Variants in DYRK1A observed in about 807,000 individuals in gnomAD.
DYRK1A encodes dual specificity tyrosine phosphorylation regulated kinase 1A, also known as dual specificity tyrosine-phosphorylation-regulated kinase 1A.
DYRK1A carries 9 observed loss-of-function variants against 79.7 expected under a neutral mutation model. The observed-to-expected ratio is 0.11, with a 90% CI of 0.07 to 0.20. The LOEUF is 0.20. DYRK1A is among the 10% of genes least tolerant of loss of function. The pLI is 1.00. For missense variants in DYRK1A, 622 were observed against 956.0 expected (o/e 0.65, Z 4.61); for synonymous variants, 349 against 329.7 (o/e 1.06, Z -0.63).
rs1173168499 is a variant in DYRK1A at position 37,520,351 on chromosome 21, G to A, written c.*7820G>A. 3 of 152,128 alleles carry A rather than the reference G, an allele frequency of 2.0e-5. No homozygotes were observed. Among genetic ancestry groups the A allele is most frequent in the Non-Finnish European group, 4.4e-5 (3 of 68,018 alleles). The allele number at this position is 152,128 out of a possible 1,614,324, so 9.4% of individuals were successfully genotyped here. On this transcript the variant is annotated 3_prime_UTR_variant, in exon 12 of 12. Transcript: ENST00000647188. ...ATAAATAAAACAGGGATATTATCGG[G>A]GAAGCTTTTGAAATGTAATAGGTTG...
intron 1 of DYRK1A, among the ~76,000 whole-genome samples, chr21:37,390,853 A>G (rs2049857046): frequency 6.6e-6 from 1 of 152,194 alleles, no homozygotes; most frequent in South Asian, 2.1e-4. Flanking sequence ...TACAGGCGTG[A>G]GCCACCACGC....
At chr21:37,393,476 C>G (rs975020379) in intron 1 of DYRK1A, among the ~76,000 whole-genome samples, 3 of 152,108 alleles carry the variant, frequency 2.0e-5, no homozygotes, top group Non-Finnish European at 2.9e-5. Context: ...TAGTAACCAT[C>G]TGGTAGGAGT....
chr21:37,483,473 G>T (rs1056791076), intron 5 of DYRK1A, among the ~76,000 whole-genome samples: 1 of 152,210 alleles, frequency 6.6e-6, no homozygotes, highest in Non-Finnish European at 1.5e-5. Context: ...TGATTTGAAA[G>T]AATTTTGGTA....
At chr21:37,411,358 C>A (rs1230013722) in intron 1 of DYRK1A, among the ~76,000 whole-genome samples, 3 of 142,648 alleles carry the variant, frequency 2.1e-5, no homozygotes, top group Non-Finnish European at 4.6e-5. Context: ...TCTGTCTCCC[C>A]CCCAACCCCC....
At chr21:37,390,564 G>A (rs1429866154) in intron 1 of DYRK1A, among the ~76,000 whole-genome samples, 1 of 152,034 alleles carries the variant, frequency 6.6e-6, no homozygotes, top group African/African-American at 2.4e-5. Flanking sequence ...TACACATTTT[G>A]TCGTTACTGT....
intron 1 of DYRK1A, among the ~76,000 whole-genome samples, chr21:37,380,348 A>C: frequency 6.6e-6 from 1 of 152,202 alleles, no homozygotes; most frequent in African/African-American, 2.4e-5. Context: ...GTTTGTTGAA[A>C]CAACAATGGT....
chr21:37,442,471 T>G (rs1444492607), intron 2 of DYRK1A, among the ~76,000 whole-genome samples: 1 of 152,230 alleles, frequency 6.6e-6, no homozygotes, highest in Non-Finnish European at 1.5e-5. Flanking sequence ...TATTGCTGTG[T>G]CTTCAAGGTC....
chr21:37,440,264 T>C (rs1433319066), intron 2 of DYRK1A, among the ~76,000 whole-genome samples: 2 of 150,762 alleles, frequency 1.3e-5, no homozygotes, highest in Non-Finnish European at 3.0e-5. Context: ...GCCTCCTGAG[T>C]AGCTGGGACT....
At chr21:37,489,095 G>T (rs1204760585) in intron 6 of DYRK1A, among the ~76,000 whole-genome samples, 2 of 152,092 alleles carry the variant, frequency 1.3e-5, no homozygotes, top group Non-Finnish European at 2.9e-5. Flanking sequence ...CTGCTTTGAG[G>T]CAGGCAGCCC....
intron 6 of DYRK1A, among the ~76,000 whole-genome samples, chr21:37,489,935 A>G (rs765401232): frequency 1.3e-5 from 2 of 152,314 alleles, no homozygotes; most frequent in East Asian, 3.9e-4. Context: ...GCATTTTGGT[A>G]GCACTGCTTA....
intron 1 of DYRK1A, among the ~76,000 whole-genome samples, chr21:37,411,166 C>A (rs904138283): frequency 6.6e-6 from 1 of 151,268 alleles, no homozygotes; most frequent in Non-Finnish European, 1.5e-5. Flanking sequence ...GACCAGCTGA[C>A]CAACATGGTG....
chr21:37,394,459 A>G (rs2049925032), intron 1 of DYRK1A, among the ~76,000 whole-genome samples: 1 of 152,142 alleles, frequency 6.6e-6, no homozygotes, highest in Non-Finnish European at 1.5e-5. Flanking sequence ...AGAACAATGA[A>G]TACTTTATGG....
rs981377175 is a variant in DYRK1A at position 37,515,135 on chromosome 21, C to T, written c.*2604C>T. The T allele has an allele frequency of 6.6e-6, 1 of 152,612 alleles. No individual in the cohort carries two copies. Among genetic ancestry groups the T allele is most frequent in the Admixed American group, 6.5e-5 (1 of 15,276 alleles). 9.5% of individuals were successfully genotyped at this position (152,612 alleles called of 1,614,324 possible). ...AAAGAACCCCCCTTTGTATTATAGT[C>T]ATGCGGTCTTATGTATGATAAACAG... On this transcript the variant is annotated 3_prime_UTR_variant, in exon 12 of 12. Transcript: ENST00000647188.
At chr21:37,376,859 C>A (rs933467750) in intron 1 of DYRK1A, among the ~76,000 whole-genome samples, 1 of 152,082 alleles carries the variant, frequency 6.6e-6, no homozygotes, top group African/African-American at 2.4e-5. Context: ...GATAGCAGAT[C>A]ATTTCCCCCT....
intron 2 of DYRK1A, among the ~76,000 whole-genome samples, chr21:37,459,002 A>G (rs2051751545): frequency 6.6e-6 from 1 of 152,136 alleles, no homozygotes; most frequent in Non-Finnish European, 1.5e-5. Context: ...CTGGCAGTTC[A>G]CTGTTTTGTG....
chr21:37,495,808 A>C (rs774206931), intron 8 of DYRK1A, among the ~76,000 whole-genome samples: 21 of 152,180 alleles, frequency 1.4e-4, no homozygotes, highest in Non-Finnish European at 2.5e-4. Context: ...AAATAAAAAA[A>C]ATTTTTTTAA....
intron 2 of DYRK1A, among the ~76,000 whole-genome samples, chr21:37,428,111 A>G (rs962052866): frequency 6.6e-6 from 1 of 152,170 alleles, no homozygotes. Flanking sequence ...ACAGCTAGTA[A>G]GGGATGGAGC....
At chr21:37,366,158 G>A (rs1197797503), upstream of DYRK1A, 2 of 151,474 alleles carry the variant, frequency 1.3e-5, no homozygotes, top group Non-Finnish European at 1.5e-5. Context: ...TTCCCGGGGA[G>A]AGAGGCGAGC....
chr21:37,405,090 T>C (rs2050124002), intron 1 of DYRK1A, among the ~76,000 whole-genome samples: 1 of 149,426 alleles, frequency 6.7e-6, no homozygotes, highest in Non-Finnish European at 1.5e-5. Flanking sequence ...TAGCTGTTCC[T>C]CTGATTATAT....
Sources: allele counts gnomAD v4.1 joint callset (sites outside exome capture counted in the v4.1 genomes callset), GRCh38; gene constraint gnomAD v4.1.1; transcripts MANE v1.5; gene names NCBI Gene and HGNC (gene_info 2026-07-23, HGNC 2026-07-21).